The following MROH9 variants were observed in gnomAD, a reference collection of about 807,000 sequenced individuals.
The protein encoded by MROH9 is maestro heat-like repeat-containing protein family member 9.
Under a neutral mutation model 98.2 loss-of-function variants are expected in MROH9, and 92 were observed. The observed-to-expected ratio is 0.94, with a 90% confidence interval of 0.79 to 1.11. MROH9 has a LOEUF of 1.11. Among genes scored for constraint, MROH9 ranks in the 50% most tolerant of loss-of-function variants. MROH9 has a pLI of 0.00. For synonymous variants in MROH9, 397 were observed against 368.9 expected (o/e 1.08, Z -0.87); for missense variants, 1,057 against 1,014.8 (o/e 1.04, Z -0.57).
chr1:171,015,389 G>A (rs906896198), intron 16 of MROH9, among the ~76,000 whole-genome samples: 3 of 152,222 alleles, frequency 2.0e-5, no homozygotes, highest in South Asian at 4.1e-4. Flanking sequence ...GTAGTGGAAA[G>A]TGATCTGGGT....
chr1:170,999,847 T>C (rs770316759), intron 15 of MROH9, among the ~76,000 whole-genome samples: 38 of 152,048 alleles, frequency 2.5e-4, no homozygotes, highest in Non-Finnish European at 5.4e-4. Flanking sequence ...ACATCTACTG[T>C]TTTTTGATTT....
Position 171,025,353 on chromosome 1 carries a change from A to G in MROH9, c.2214A>G (p.Thr738=). The G allele has an allele frequency of 6.5e-7, 1 of 1,550,314 alleles. No individual in the cohort carries two copies. The highest frequency in any genetic ancestry group is 8.7e-7 in the Non-Finnish European group (1 of 1,145,872). The change falls in exon 20 of 22, where the codon ACA becomes ACG. Residue 738 remains threonine, a synonymous_variant. Transcript: ENST00000367759. ...ATAGGAACTACATTACAGATTTGAC[A>G]TCTGATACCTTACGATTCCTGTGGA... is the stretch of plus-strand genomic sequence containing the variant. ...ISHRNYITDL[T]SDTLRFLWSP...
intron 16 of MROH9, chr1:171,014,908 T>C (rs1340045233): frequency 8.7e-6 from 4 of 458,764 alleles, no homozygotes; most frequent in South Asian, 4.8e-5. Context: ...CACCAATCTG[T>C]GTTTTAAAGG....
chr1:170,947,716 T>A (rs2101873546), intron 3 of MROH9, 143 bp downstream of exon 3: 1 of 674,378 alleles, frequency 1.5e-6, no homozygotes, highest in Middle Eastern at 3.1e-4. Flanking sequence ...GGCAATTTGG[T>A]TAAAAATTGT....
Position 170,989,870 on chromosome 1 carries a change from G to A in MROH9, c.895G>A (p.Asp299Asn), listed in dbSNP as rs753299518. 1.9e-6 allele frequency: 3 copies of A among 1,603,488 alleles called. No individual in the cohort carries two copies. Among genetic ancestry groups the A allele is most frequent in the Admixed American group, 1.7e-5 (1 of 59,750 alleles). The change falls in exon 11 of 22, where the codon GAT (aspartate) becomes AAT (asparagine). Residue 299 changes from aspartate (D) to asparagine (N), a missense_variant. By Grantham distance (23) the Asp-to-Asn change is conservative (BLOSUM62 1). Transcript: ENST00000367759. ...TCTCTTCCAGGTGTCTAAGATCGTG[G>A]ATGCTATTTACAGGCAACTGTGTGA... ...EKVTMVSKIV[D>N]AIYRQLCDNN...
chr1:171,025,190 A>T (rs1488195569), intron 19 of MROH9, 128 bp from the exon 20 acceptor site: 1 of 619,854 alleles, frequency 1.6e-6, no homozygotes, highest in African/African-American at 1.8e-5. Flanking sequence ...GAACAAGAGT[A>T]TAGTTCACAC....
intron 16 of MROH9, among the ~76,000 whole-genome samples, chr1:171,014,728 G>T (rs533712608): frequency 6.6e-6 from 1 of 151,990 alleles, no homozygotes; most frequent in South Asian, 2.1e-4. Flanking sequence ...CTTATCTCTC[G>T]CAGCCTCATC....
At chr1:171,035,765 T>C (rs1653080807) in intron 20 of MROH9, among the ~76,000 whole-genome samples, 1 of 152,150 alleles carries the variant, frequency 6.6e-6, no homozygotes, top group Non-Finnish European at 1.5e-5. Flanking sequence ...AGACTAACAA[T>C]CTCAACTGTT....
intron 3 of MROH9, among the ~76,000 whole-genome samples, chr1:170,956,627 G>A (rs115061831): frequency 0.057 from 8,149 of 142,654 alleles, 336 homozygotes; most frequent in Middle Eastern, 0.12. Flanking sequence ...ATTGTAAAAG[G>A]GGTTGAGTTC....
intron 8 of MROH9, among the ~76,000 whole-genome samples, chr1:170,976,613 G>A (rs1057202391): frequency 6.6e-6 from 1 of 152,044 alleles, no homozygotes; most frequent in Non-Finnish European, 1.5e-5. Flanking sequence ...TGGGCATGGT[G>A]GTGTGTGCCT....
chr1:170,988,080 A>G (rs1651217123), intron 10 of MROH9, among the ~76,000 whole-genome samples: 1 of 152,190 alleles, frequency 6.6e-6, no homozygotes, highest in South Asian at 2.1e-4. Context: ...GACTTGATTT[A>G]CAAAATACAA....
intron 3 of MROH9, among the ~76,000 whole-genome samples, chr1:170,956,593 T>TG (rs1263856711): frequency 2.6e-4 from 31 of 120,480 alleles, no homozygotes; most frequent in African/African-American, 1.1e-3. Flanking sequence ...TTTTTTTTTT[T>TG]TGTTTTTTTT....
chr1:170,995,155 G>C (rs1249634427), intron 12 of MROH9, among the ~76,000 whole-genome samples: 2 of 152,164 alleles, frequency 1.3e-5, no homozygotes, highest in South Asian at 4.1e-4. Context: ...TGTCATCCAG[G>C]GTGTTTGTAT....
At chr1:171,053,062 C>T (rs1056521227) in intron 20 of MROH9, among the ~76,000 whole-genome samples, 3 of 152,158 alleles carry the variant, frequency 2.0e-5, no homozygotes, top group African/African-American at 7.2e-5. Flanking sequence ...GTCTCAAAGG[C>T]ATCCTTGGCT....
intron 20 of MROH9, among the ~76,000 whole-genome samples, chr1:171,026,558 C>A (rs978087079): frequency 1.4e-4 from 22 of 152,274 alleles, no homozygotes; most frequent in South Asian, 4.1e-4. Context: ...CAGGCATGAG[C>A]CACCATGCTC....
At position 170,970,741 on chromosome 1, in the gene MROH9, AG is replaced by A. The variant is rs1444301669; in HGVS notation, c.481-1006del. 5.2e-4 allele frequency among the ~76,000 whole-genome samples: 60 copies of A among 115,648 alleles called. 1 individual carries two copies. The highest frequency in any genetic ancestry group is 2.5e-3 in the South Asian group (10 of 3,966). 75.9% of individuals were successfully genotyped at this position (115,648 alleles called of 152,430 possible). A position where few individuals can be genotyped will look rare whatever the true frequency, so the allele number is the denominator to read the frequency against. On this transcript the variant is annotated intron_variant, in intron 7 of 21. Coordinates refer to ENST00000367759, the MANE Select transcript of MROH9 (RefSeq NM_001163629.2). ...GTGTGTGTGTGTGTGTGAGAGAGAG[AG>A]AGAGAGAGAGAGAGAGAGAGAGAGA...
chr1:170,977,920 TGA>T (rs983437736), intron 8 of MROH9, among the ~76,000 whole-genome samples: 4 of 152,146 alleles, frequency 2.6e-5, no homozygotes, highest in African/African-American at 9.7e-5. Flanking sequence ...TGCCTGGTGA[TGA>T]GCAGGGAACA....
intron 2 of MROH9, among the ~76,000 whole-genome samples, chr1:170,946,416 C>T (rs182543562): frequency 4.8e-4 from 73 of 151,968 alleles, no homozygotes; most frequent in African/African-American, 1.5e-3. Context: ...TGAGGAGACA[C>T]GCTGACTAAA....
At chr1:170,947,166 T>G (rs1649363685) in intron 2 of MROH9, among the ~76,000 whole-genome samples, 1 of 152,038 alleles carries the variant, frequency 6.6e-6, no homozygotes, top group Non-Finnish European at 1.5e-5. Flanking sequence ...AGTTCATATT[T>G]AAAATCTTAT....
Sources: gnomAD v4.1 joint callset for allele counts (sites outside exome capture counted in the v4.1 genomes callset) on GRCh38, gnomAD v4.1.1 for gene constraint, MANE v1.5 for transcripts, NCBI Gene and HGNC (gene_info 2026-07-23, HGNC 2026-07-21) for gene names.